The following BDNF variants were observed in gnomAD, a reference collection of about 807,000 sequenced individuals.
BDNF encodes neurotrophic factor BDNF precursor form.
A neutral mutation model predicts 19.5 loss-of-function variants in BDNF; 1 was observed. That is an observed-to-expected ratio of 0.05 (90% CI 0.02 to 0.24). BDNF has a LOEUF of 0.24. BDNF is among the 10% of genes least tolerant of loss of function. The pLI, the probability that BDNF is intolerant of heterozygous loss-of-function variation, is 1.00. For missense variants in BDNF, 195 were observed against 317.6 expected, an observed-to-expected ratio of 0.61 and a Z score of 2.93; for synonymous variants, 100 against 121.6, an observed-to-expected ratio of 0.82 and a Z score of 1.17.
In BDNF at chr11:27,682,726, A is replaced by T. The variant is rs1370008103; in HGVS notation, c.-22+17438T>A. Among the ~76,000 whole-genome samples the T allele has an allele frequency of 2.0e-5, 3 of 152,158 alleles. No individual in the cohort carries two copies. In the South Asian group the frequency reaches 6.2e-4, roughly 32 times the overall value. On this transcript the variant is annotated intron_variant, in intron 1 of 1. Coordinates refer to ENST00000356660, the MANE Select transcript of BDNF (RefSeq NM_001709.5). ...TTCCAGCTTCATCCATGTCCCTGCA[A>T]AGGACATGAACTCATCCTTTTTTAT... is the stretch of plus-strand genomic sequence containing the variant.
At chr11:27,704,858 C>T (rs1860047029), upstream of BDNF, among the ~76,000 whole-genome samples, 1 of 152,140 alleles carries the variant, frequency 6.6e-6, no homozygotes, top group African/African-American at 2.4e-5. Context: ...AAGAATAGCT[C>T]AATACCATAC....
chr11:27,678,872 C>T (rs1191649402), intron 1 of BDNF, among the ~76,000 whole-genome samples: 3 of 152,302 alleles, frequency 2.0e-5, no homozygotes, highest in East Asian at 1.9e-4. Context: ...TCCCATTAAA[C>T]GGATGGTCAA....
chr11:27,694,948 C>T (rs1457142544), intron 1 of BDNF, among the ~76,000 whole-genome samples: 4 of 152,054 alleles, frequency 2.6e-5, no homozygotes, highest in Non-Finnish European at 4.4e-5. Context: ...GGATGCTAGC[C>T]GTTGATTCCT....
At chr11:27,685,542 A>G (rs1857373922) in intron 1 of BDNF, among the ~76,000 whole-genome samples, 1 of 152,178 alleles carries the variant, frequency 6.6e-6, no homozygotes, top group South Asian at 2.1e-4. Context: ...ATTTATTGCT[A>G]TGAATTTCCC....
At chr11:27,700,542 C>CT, upstream of BDNF, 3 of 824,360 alleles carry the variant, frequency 3.6e-6, no homozygotes, top group Non-Finnish European at 4.4e-6. Flanking sequence ...CCGCCCCCCG[C>CT]CCCCCGCTCC....
upstream of BDNF, chr11:27,700,614 T>G: frequency 1.0e-6 from 1 of 968,582 alleles, no homozygotes; most frequent in Non-Finnish European, 1.2e-6. Context: ...GCCGCGTCTT[T>G]TCCTCGCGCG....
chr11:27,718,531 C>T (rs1368758886), intron 1 of BDNF, among the ~76,000 whole-genome samples: 1 of 148,574 alleles, frequency 6.7e-6, no homozygotes, highest in African/African-American at 2.5e-5. Context: ...GAAATCCCCC[C>T]GCCCCCAAGC....
intron 1 of BDNF, among the ~76,000 whole-genome samples, chr11:27,679,711 A>C (rs1246128904): frequency 6.6e-6 from 1 of 152,182 alleles, no homozygotes; most frequent in Admixed American, 6.6e-5. Flanking sequence ...AAGATCAAAA[A>C]CAATTCTTAA....
intron 1 of BDNF, among the ~76,000 whole-genome samples, chr11:27,687,451 C>T (rs797010490): frequency 6.6e-6 from 1 of 152,200 alleles, no homozygotes; most frequent in South Asian, 2.1e-4. Context: ...TGTTCCCTTG[C>T]TGGCAAAGAG....
At chr11:27,681,805 C>T (rs932759044) in intron 1 of BDNF, among the ~76,000 whole-genome samples, 1 of 152,128 alleles carries the variant, frequency 6.6e-6, no homozygotes, top group Non-Finnish European at 1.5e-5. Context: ...CTATGCCAAG[C>T]ACTGCTCTAA....
intron 1 of BDNF, 119 bp downstream of exon 1, chr11:27,700,045 G>A: frequency 2.2e-6 from 2 of 906,206 alleles, no homozygotes; most frequent in South Asian, 1.0e-4. Context: ...TTCTACCGGA[G>A]GGGAGGAAAG....
At chr11:27,696,940 C>T (rs1248358223) in intron 1 of BDNF, among the ~76,000 whole-genome samples, 1 of 152,178 alleles carries the variant, frequency 6.6e-6, no homozygotes, top group Non-Finnish European at 1.5e-5. Context: ...TTCAGGAAGT[C>T]TGAAATTGTT....
chr11:27,699,316 C>T, intron 1 of BDNF: 1 of 1,601,274 alleles, frequency 6.2e-7, no homozygotes, highest in Non-Finnish European at 8.6e-7. Flanking sequence ...ATCTCCCCTT[C>T]TTCTTGCCCG....
At position 27,682,190 on chromosome 11, in the gene BDNF, C is replaced by T. The variant is rs573973620; in HGVS notation, c.-22+17974G>A. Reference sequence around the variant, plus strand: ...TTCAGTTTATTTGATTTTAGTTCAGCGATTCTTAAACTGTCCCATACATCC... The same window carrying T: ...TTCAGTTTATTTGATTTTAGTTCAGTGATTCTTAAACTGTCCCATACATCC... On this transcript the variant is annotated intron_variant, in intron 1 of 1. Transcript: ENST00000356660. Among the ~76,000 whole-genome samples, 12 of 152,052 alleles carry T rather than the reference C, an allele frequency of 7.9e-5. No homozygotes were observed. The South Asian group carries it at 2.1e-3, about 26-fold the overall frequency.
upstream of BDNF, chr11:27,700,519 C>CGGGGGGGGGGGGG: frequency 5.3e-6 from 4 of 759,764 alleles, no homozygotes; most frequent in Non-Finnish European, 5.8e-6. Flanking sequence ...CAAACGGCGC[C>CGGGGGGGGGGGGG]GCCCCCCCCC....
At position 27,656,389 on chromosome 11, in the gene BDNF, G is replaced by T; in HGVS notation, c.*1432C>A. 6.9e-6 allele frequency: 2 copies of T among 291,300 alleles called. No individual in the cohort carries two copies. The highest frequency in any genetic ancestry group is 1.0e-5 in the Non-Finnish European group (2 of 194,976). 18.0% of individuals were successfully genotyped at this position (291,300 alleles called of 1,614,324 possible). On this transcript the variant is annotated 3_prime_UTR_variant, in exon 2 of 2. Transcript: ENST00000356660. Reference sequence around the variant, plus strand: ...GTGGTCCTCCAGTCGAGAACCTCTTGAGCACAGTTAGATAATGTAGGCACT... The same window carrying T: ...GTGGTCCTCCAGTCGAGAACCTCTTTAGCACAGTTAGATAATGTAGGCACT...
chr11:27,689,550 C>T (rs1857970107), intron 1 of BDNF, among the ~76,000 whole-genome samples: 1 of 152,194 alleles, frequency 6.6e-6, no homozygotes, highest in South Asian at 2.1e-4. Flanking sequence ...GTCTCAGTAC[C>T]AATGCCTACT....
chr11:27,721,686 AGAC>A (rs917700482), exon 1 of BDNF: 16 of 560,114 alleles, frequency 2.9e-5, no homozygotes, highest in Non-Finnish European at 5.1e-5. Flanking sequence ...TCACTCCGAG[AGAC>A]ACGTTTCCTT....
intron 1 of BDNF, among the ~76,000 whole-genome samples, chr11:27,687,255 A>T (rs540767643): frequency 2.9e-4 from 44 of 152,242 alleles, no homozygotes; most frequent in African/African-American, 1.0e-3. Flanking sequence ...TTTCAGCTCC[A>T]TTAGGTCATT....
Sources: allele counts gnomAD v4.1 joint callset (sites outside exome capture counted in the v4.1 genomes callset), GRCh38; gene constraint gnomAD v4.1.1; transcripts MANE v1.5; gene names NCBI Gene and HGNC (gene_info 2026-07-23, HGNC 2026-07-21).